Variants in LOC122455342 observed in about 807,000 individuals in gnomAD.
At chr17:76,569,647 A>C in the LOC122455342 span, 4 of 396,264 alleles carry the variant, frequency 1.0e-5, no homozygotes, top group Non-Finnish European at 1.8e-5. Context: ...AGGGGAGCTC[A>C]TTGGTGTTGG....
the LOC122455342 span, chr17:76,569,186 G>A: frequency 2.7e-3 from 528 of 198,296 alleles, 5 homozygotes; most frequent in African/African-American, 0.016. Context: ...TTTTGGGGAA[G>A]TGGTGCTGTG....
chr17:76,569,242 G>T, the LOC122455342 span: 5 of 377,800 alleles, frequency 1.3e-5, no homozygotes, highest in South Asian at 1.2e-4. Flanking sequence ...GGGCACATAG[G>T]GGGTGATATA....
the LOC122455342 span, chr17:76,569,530 C>G: frequency 9.8e-6 from 2 of 205,030 alleles, no homozygotes; most frequent in Non-Finnish European, 1.6e-5. Flanking sequence ...GGAAGAGCCC[C>G]GAGTGGGGGA....
chr17:76,569,045 CG>C, the LOC122455342 span: 6 of 134,714 alleles, frequency 4.5e-5, no homozygotes, highest in South Asian at 4.2e-4. Context: ...ATGAACAGAC[CG>C]GGGGGAGTTG....
the LOC122455342 span, chr17:76,568,838 CGTATT>C: frequency 1.2e-6 from 2 of 1,602,114 alleles, no homozygotes. Context: ...CCAGAGCCGT[CGTATT>C]GCAAGGGGGA....
At chr17:76,568,950 G>T in the LOC122455342 span, 1 of 669,534 alleles carries the variant, frequency 1.5e-6, no homozygotes, top group Non-Finnish European at 2.6e-6. Context: ...TGTAGAAGGT[G>T]GCAGGCAGTA....
chr17:76,568,862 G>A, the LOC122455342 span: 18 of 1,537,872 alleles, frequency 1.2e-5, no homozygotes, highest in Non-Finnish European at 1.6e-5. Context: ...GAGATGGAGG[G>A]GAGGGTCAGG....
the LOC122455342 span, chr17:76,569,646 C>A: frequency 2.5e-6 from 1 of 398,168 alleles, no homozygotes. Context: ...AAGGGGAGCT[C>A]ATTGGTGTTG....
chr17:76,568,896 T>TGAGCGGTAGGAGC, the LOC122455342 span: 1 of 1,149,352 alleles, frequency 8.7e-7, no homozygotes, highest in Admixed American at 1.8e-5. Flanking sequence ...CGCGGTACCC[T>TGAGCGGTAGGAGC]GAGCGGTAGG....
the LOC122455342 span, chr17:76,568,901 G>A: frequency 1.0e-5 from 11 of 1,047,678 alleles, no homozygotes; most frequent in African/African-American, 4.8e-5. Flanking sequence ...TACCCTGAGC[G>A]GTAGGAGCGG....
chr17:76,568,888 C>A, the LOC122455342 span: 1 of 1,262,418 alleles, frequency 7.9e-7, no homozygotes, highest in Non-Finnish European at 1.1e-6. Context: ...GGAGTAGCCG[C>A]GGTACCCTGA....
chr17:76,569,394 G>A, the LOC122455342 span: 887 of 395,728 alleles, frequency 2.2e-3, 6 homozygotes, highest in African/African-American at 0.017. Flanking sequence ...ATTTGGAGGT[G>A]GGTGGGGTGG....
At chr17:76,569,422 C>A in the LOC122455342 span, 1 of 325,392 alleles carries the variant, frequency 3.1e-6, no homozygotes, top group Non-Finnish European at 5.4e-6. Flanking sequence ...GGCAGCCCCG[C>A]GGGGCACGTG....
the LOC122455342 span, chr17:76,568,963 T>C: frequency 8.1e-6 from 5 of 616,860 alleles, no homozygotes; most frequent in African/African-American, 6.0e-5. Context: ...AGGCAGTACG[T>C]TGGGGACCAC....
At chr17:76,568,970 C>T in the LOC122455342 span, 147 of 608,290 alleles carry the variant, frequency 2.4e-4, no homozygotes, top group African/African-American at 2.1e-3. Flanking sequence ...ACGTTGGGGA[C>T]CACGTGCGGC....
chr17:76,569,089 G>C, the LOC122455342 span: 3 of 109,642 alleles, frequency 2.7e-5, no homozygotes, highest in East Asian at 6.2e-4. Flanking sequence ...GTGGTGGGGG[G>C]GCGGGGGAAG....
chr17:76,569,114 G>A, the LOC122455342 span: 1 of 198,930 alleles, frequency 5.0e-6, no homozygotes, highest in Non-Finnish European at 8.8e-6. Context: ...GGTAAGTAGA[G>A]TGAGTCAGGA....
At chr17:76,569,211 G>A in the LOC122455342 span, 1 of 227,080 alleles carries the variant, frequency 4.4e-6, no homozygotes, top group Non-Finnish European at 7.9e-6. Context: ...GCTGGAAAAA[G>A]GGGGGCTCCT....
the LOC122455342 span, chr17:76,568,973 C>T: frequency 0.014 from 8,539 of 599,484 alleles, 109 homozygotes; most frequent in South Asian, 0.041. Flanking sequence ...TTGGGGACCA[C>T]GTGCGGCTTC....
Sources: allele counts gnomAD v4.1 joint callset, GRCh38; gene constraint gnomAD v4.1.1; transcripts MANE v1.5.